The following SLC22A23 variants were observed in gnomAD, a reference collection of about 807,000 sequenced individuals.
SLC22A23 encodes ion transporter protein.
In SLC22A23, 26 loss-of-function variants were observed where a neutral mutation model predicts 61.0. That is an observed-to-expected ratio of 0.43 (90% confidence interval 0.31 to 0.59). The LOEUF (loss-of-function observed/expected upper bound fraction) is 0.59, where lower values mean the gene tolerates loss of function less well. Ranked by LOEUF, SLC22A23 falls within the 20% of genes least tolerant of loss-of-function variation. The pLI, the probability that SLC22A23 is intolerant of heterozygous loss-of-function variation, is 0.11. For missense variants in SLC22A23, 796 were observed against 934.7 expected (o/e 0.85, Z 1.94); for synonymous variants, 430 against 413.9 (o/e 1.04, Z -0.47).
Position 3,404,324 on chromosome 6 carries a change from C to T in SLC22A23, c.913+5864G>A, listed in dbSNP as rs1000366352. On this transcript the variant is annotated intron_variant, in intron 3 of 9. Coordinates refer to ENST00000406686, the MANE Select transcript of SLC22A23 (RefSeq NM_015482.2). ...CTTGCACAGACTTCTGGACAGAAGACTGGGCAGATGGGTCTCAGTGATGCC... is the reference window on the plus strand; with the variant it reads ...CTTGCACAGACTTCTGGACAGAAGATTGGGCAGATGGGTCTCAGTGATGCC... Among the ~76,000 whole-genome samples the T allele has an allele frequency of 3.9e-5, 6 of 152,214 alleles. No individual in the cohort carries two copies. The South Asian group carries it at 1.2e-3, about 32-fold the overall frequency.
rs879679259 is a variant in SLC22A23, at chr6:3,322,426, G to T, written c.1082+1408C>A. On this transcript the variant is annotated intron_variant, in intron 4 of 9. Transcript: ENST00000406686. The surrounding 1 kb of genome is among the most constrained non-coding windows in gnomAD (Gnocchi z 4.1). ...CCAGGGAAACTATTGCTCATTCTCC[G>T]CTCCTTAAGGCCCTGTTGGGGCACA... 6.6e-6 allele frequency among the ~76,000 whole-genome samples: 1 copy of T among 152,194 alleles called. No homozygotes were observed. The highest frequency in any genetic ancestry group is 2.4e-5 in the African/African-American group (1 of 41,436).
intron 3 of SLC22A23, among the ~76,000 whole-genome samples, chr6:3,336,558 C>A (rs1476572280): frequency 6.6e-6 from 1 of 152,224 alleles, no homozygotes; most frequent in Non-Finnish European, 1.5e-5. Context: ...TCCTGGCAAG[C>A]CAGGTGGCTG....
At chr6:3,395,972 T>C (rs565293095) in intron 3 of SLC22A23, among the ~76,000 whole-genome samples, 7 of 152,370 alleles carry the variant, frequency 4.6e-5, no homozygotes, top group African/African-American at 1.7e-4. Context: ...GCAAATTCCT[T>C]ACAAGATGAT....
At chr6:3,288,459 A>G (rs1217689461) in intron 6 of SLC22A23, among the ~76,000 whole-genome samples, 1 of 152,162 alleles carries the variant, frequency 6.6e-6, no homozygotes, top group Non-Finnish European at 1.5e-5. Flanking sequence ...ATGGCTTTAT[A>G]ATCCAGCAAC....
intron 1 of SLC22A23, among the ~76,000 whole-genome samples, chr6:3,418,613 A>G (rs941733085): frequency 6.6e-5 from 10 of 152,242 alleles, no homozygotes; most frequent in Admixed American, 6.5e-4. Context: ...TGCTGGCTCC[A>G]CAGTTCCCAG....
At position 3,269,173 on chromosome 6, in the gene SLC22A23, T is replaced by TC. The variant is rs1169432200; in HGVS notation, c.*3881_*3882insG. Reference sequence around the variant, plus strand: ...AAAAAATTCCTCTTAATTTTACTGATGGCCCCCGTCTCTCAGGTGGTCTGA... The same window carrying TC: ...AAAAAATTCCTCTTAATTTTACTGATCGGCCCCCGTCTCTCAGGTGGTCTGA... On this transcript the variant is annotated 3_prime_UTR_variant, in exon 10 of 10. Coordinates refer to ENST00000406686, the MANE Select transcript of SLC22A23 (RefSeq NM_015482.2). 1 of 38,012 alleles carries TC rather than the reference T, an allele frequency of 2.6e-5. No homozygotes were observed. Among genetic ancestry groups the TC allele is most frequent in the Non-Finnish European group, 6.2e-5 (1 of 16,052 alleles). 2.4% of individuals were successfully genotyped at this position (38,012 alleles called of 1,614,324 possible). A position where few individuals can be genotyped will look rare whatever the true frequency, so the allele number is the denominator to read the frequency against.
intron 3 of SLC22A23, among the ~76,000 whole-genome samples, chr6:3,371,541 T>A (rs145767953): frequency 1.4e-4 from 21 of 152,236 alleles, no homozygotes; most frequent in African/African-American, 5.1e-4. Context: ...GACTCCTGGA[T>A]GGACCCTCAG....
intron 9 of SLC22A23, chr6:3,283,635 G>T: frequency 1.7e-6 from 1 of 583,612 alleles, no homozygotes; most frequent in Non-Finnish European, 3.0e-6. Context: ...CCTTCCTCCT[G>T]CTGCTGCCTG....
In SLC22A23 at chr6:3,297,846, T is replaced by C. The variant is rs1204991516; in HGVS notation, c.1210+245A>G. ...GAGCAGTGTATATTGGGCTCATGGC[T>C]CGCTTCTGCATTTAGACAGGAGATG... On this transcript the variant is annotated intron_variant, in intron 5 of 9. Transcript: ENST00000406686. The surrounding 1 kb of genome is among the most constrained non-coding windows in gnomAD (Gnocchi z 4.3). Among the ~76,000 whole-genome samples the C allele has an allele frequency of 6.6e-6, 1 of 152,190 alleles. No individual in the cohort carries two copies. The highest frequency in any genetic ancestry group is 1.5e-5 in the Non-Finnish European group (1 of 68,028).
chr6:3,294,108 T>C (rs1182520572), intron 5 of SLC22A23, among the ~76,000 whole-genome samples: 1 of 152,178 alleles, frequency 6.6e-6, no homozygotes, highest in Admixed American at 6.5e-5. Flanking sequence ...ATGGAGTTAC[T>C]GCTCCCCACT....
intron 3 of SLC22A23, among the ~76,000 whole-genome samples, chr6:3,370,146 T>C (rs2127461654): frequency 6.6e-6 from 1 of 152,346 alleles, no homozygotes; most frequent in Non-Finnish European, 1.5e-5. Context: ...GAATTTTTTT[T>C]CCCTAAATTT....
intron 4 of SLC22A23, among the ~76,000 whole-genome samples, chr6:3,310,349 GGAGCACCCTGTCTCCCACTC>G (rs1235304380): frequency 0.012 from 703 of 59,100 alleles, 22 homozygotes; most frequent in African/African-American, 0.04. Flanking sequence ...TGTCTCCCAG[GGAGCACCCTGTCTCCCACTC>G]GAGCACCCTG....
chr6:3,407,445 C>T (rs1297218510), intron 3 of SLC22A23, among the ~76,000 whole-genome samples: 1 of 152,226 alleles, frequency 6.6e-6, no homozygotes, highest in Non-Finnish European at 1.5e-5. Context: ...GTCACCCCAA[C>T]CATATCCTAC....
chr6:3,272,747 A>T lies in SLC22A23; in HGVS notation c.*308T>A. 1 of 218,494 alleles carries T rather than the reference A, an allele frequency of 4.6e-6. No individual in the cohort carries two copies. Among genetic ancestry groups the T allele is most frequent in the Non-Finnish European group, 9.1e-6 (1 of 109,840 alleles). 13.5% of individuals were successfully genotyped at this position (218,494 alleles called of 1,614,324 possible). A position where few individuals can be genotyped will look rare whatever the true frequency, so the allele number is the denominator to read the frequency against. On this transcript the variant is annotated 3_prime_UTR_variant, in exon 10 of 10. Coordinates refer to ENST00000406686, the MANE Select transcript of SLC22A23 (RefSeq NM_015482.2). The stretch of plus-strand genomic sequence containing the variant: ...CCAGAGCAACTGCGTCTCGCTGCCC[A>T]GGGAGGTGATTCCATTTGTGATCAG...
intron 1 of SLC22A23, among the ~76,000 whole-genome samples, chr6:3,443,192 GA>G (rs1771707025): frequency 6.6e-6 from 1 of 152,250 alleles, no homozygotes. Context: ...AAGGCTTGGG[GA>G]AACCCTTGCC....
intron 1 of SLC22A23, among the ~76,000 whole-genome samples, chr6:3,419,866 G>A (rs557237000): frequency 1.7e-4 from 26 of 152,066 alleles, no homozygotes; most frequent in Non-Finnish European, 2.5e-4. Flanking sequence ...GATGGAATTT[G>A]CAGGGGGTAA....
At position 3,342,841 on chromosome 6, in the gene SLC22A23, T is replaced by C. The variant is rs6928108; in HGVS notation, c.914-18839A>G. 0.78 allele frequency among the ~76,000 whole-genome samples: 118,032 copies of C among 152,074 alleles called. 46,312 individuals are homozygous for C. Among genetic ancestry groups the C allele is most frequent in the African/African-American group, 0.88 (36,559 of 41,492 alleles). Reference sequence around the variant, plus strand: ...AGGAAAGACAAAGTTTAATCACATATGTATACCGGCAGGAGAGTGCAAAAA... The same window carrying C: ...AGGAAAGACAAAGTTTAATCACATACGTATACCGGCAGGAGAGTGCAAAAA... On this transcript the variant is annotated intron_variant, in intron 3 of 9. Transcript: ENST00000406686. The surrounding 1 kb of genome is among the most constrained non-coding windows in gnomAD (Gnocchi z 4.0).
intron 1 of SLC22A23, 119 bp downstream of exon 1, chr6:3,455,787 A>G: frequency 8.1e-7 from 1 of 1,231,128 alleles, no homozygotes; most frequent in Admixed American, 2.9e-5. Flanking sequence ...GCCAATGCGG[A>G]ATGCCCTACA....
At chr6:3,334,834 C>T (rs1209975869) in intron 3 of SLC22A23, among the ~76,000 whole-genome samples, 2 of 152,218 alleles carry the variant, frequency 1.3e-5, no homozygotes, top group African/African-American at 4.8e-5. Context: ...TGCCAGTCTG[C>T]AGCTGCTGAT....
Sources: gnomAD v4.1 joint callset for allele counts (sites outside exome capture counted in the v4.1 genomes callset) on GRCh38, gnomAD v4.1.1 for gene constraint, Gnocchi (gnomAD v3.1) non-coding constraint, MANE v1.5 for transcripts, NCBI Gene and HGNC (gene_info 2026-07-23, HGNC 2026-07-21) for gene names.